The following SV2C variants were observed in gnomAD, a reference collection of about 807,000 sequenced individuals.
The protein encoded by SV2C is synaptic vesicle glycoprotein 2C.
SV2C carries 49 observed loss-of-function variants against 79.7 expected under a neutral mutation model. The observed-to-expected ratio is 0.61, with a 90% CI of 0.49 to 0.78. SV2C has a LOEUF of 0.78. Ranked by LOEUF, SV2C falls within the 30% of genes least tolerant of loss-of-function variation. SV2C has a pLI of 0.00. For synonymous variants in SV2C, 334 were observed against 333.2 expected, an observed-to-expected ratio of 1.00 and a Z score of -0.03; for missense variants, 833 against 912.9, an observed-to-expected ratio of 0.91 and a Z score of 1.13.
chr5:76,198,298 A>G (rs115433595), intron 3 of SV2C, among the ~76,000 whole-genome samples: 1,651 of 152,274 alleles, frequency 0.011, 18 homozygotes, highest in South Asian at 0.062. Flanking sequence ...TGGATCTATC[A>G]TGAATAGATT....
At chr5:75,957,221 C>T in the SV2C span, among the ~76,000 whole-genome samples, 14 of 151,914 alleles carry the variant, frequency 9.2e-5, no homozygotes, top group African/African-American at 2.7e-4. Context: ...AGGAGTAAGA[C>T]CACATTCTGA....
At chr5:76,199,413 T>C (rs1744366698) in intron 3 of SV2C, among the ~76,000 whole-genome samples, 1 of 152,232 alleles carries the variant, frequency 6.6e-6, no homozygotes, top group Non-Finnish European at 1.5e-5. Context: ...GCTTTGAAGC[T>C]TCTTCTCCCA....
At chr5:76,121,964 A>G (rs914389403) in intron 1 of SV2C, among the ~76,000 whole-genome samples, 7 of 152,008 alleles carry the variant, frequency 4.6e-5, no homozygotes, top group Non-Finnish European at 7.4e-5. Context: ...CTTGGGCAGT[A>G]TGGCCATTTT....
chr5:76,176,332 CCTGT>C (rs1743528591), intron 2 of SV2C, among the ~76,000 whole-genome samples: 1 of 152,188 alleles, frequency 6.6e-6, no homozygotes, highest in South Asian at 2.1e-4. Context: ...TTTGTTTCAT[CCTGT>C]CTCAGAGCTT....
At chr5:76,151,045 A>G (rs1472021909) in intron 2 of SV2C, among the ~76,000 whole-genome samples, 1 of 152,230 alleles carries the variant, frequency 6.6e-6, no homozygotes, top group Non-Finnish European at 1.5e-5. Flanking sequence ...ACTTGTCATC[A>G]GAATGACACA....
intron 4 of SV2C, among the ~76,000 whole-genome samples, chr5:76,238,216 A>G (rs1429122460): frequency 6.6e-6 from 1 of 151,840 alleles, no homozygotes; most frequent in African/African-American, 2.4e-5. Context: ...TCTCCTTTCT[A>G]GGAGCTTCTT....
At chr5:75,933,132 C>A in the SV2C span, among the ~76,000 whole-genome samples, 1 of 152,138 alleles carries the variant, frequency 6.6e-6, no homozygotes, top group African/African-American at 2.4e-5. Context: ...CTTCCTTATC[C>A]ATTAGTGCTT....
At chr5:75,902,859 G>A in the SV2C span, among the ~76,000 whole-genome samples, 1 of 152,310 alleles carries the variant, frequency 6.6e-6, no homozygotes, top group African/African-American at 2.4e-5. Context: ...GTTGTATTGG[G>A]AAGCAAGTCT....
At chr5:76,070,164 C>G in the SV2C span, among the ~76,000 whole-genome samples, 1 of 152,166 alleles carries the variant, frequency 6.6e-6, no homozygotes. Flanking sequence ...GGAGAGGAGA[C>G]AGTTCCTGGG....
intron 12 of SV2C, among the ~76,000 whole-genome samples, chr5:76,350,322 G>T (rs901807841): frequency 6.6e-6 from 1 of 150,810 alleles, no homozygotes; most frequent in African/African-American, 2.5e-5. Flanking sequence ...AAGAGAGAAG[G>T]AAGAAGAAGG....
chr5:75,861,115 T>C, the SV2C span, among the ~76,000 whole-genome samples: 1 of 151,986 alleles, frequency 6.6e-6, no homozygotes, highest in Non-Finnish European at 1.5e-5. Flanking sequence ...GTAAGGAACA[T>C]AAACAAATTA....
intron 1 of SV2C, among the ~76,000 whole-genome samples, chr5:76,105,435 A>G (rs1422734053): frequency 1.3e-5 from 2 of 152,232 alleles, no homozygotes; most frequent in East Asian, 3.9e-4. Flanking sequence ...CCTTTTTTAA[A>G]CAAAGGAACC....
chr5:75,901,395 C>A, the SV2C span, among the ~76,000 whole-genome samples: 1 of 152,142 alleles, frequency 6.6e-6, no homozygotes, highest in Non-Finnish European at 1.5e-5. Flanking sequence ...GGCTGCAGAA[C>A]AATGGATTTT....
At chr5:76,219,045 C>T (rs1262160595) in intron 4 of SV2C, among the ~76,000 whole-genome samples, 1 of 152,162 alleles carries the variant, frequency 6.6e-6, no homozygotes, top group Non-Finnish European at 1.5e-5. Context: ...GCCAAAGTGT[C>T]CTGTGCCCAC....
the SV2C span, among the ~76,000 whole-genome samples, chr5:76,014,851 A>G: frequency 6.6e-6 from 1 of 152,172 alleles, no homozygotes; most frequent in Non-Finnish European, 1.5e-5. Context: ...ATTGATGTAG[A>G]AATTTCCTTT....
intron 12 of SV2C, among the ~76,000 whole-genome samples, chr5:76,322,949 G>A (rs1748878300): frequency 6.6e-6 from 1 of 152,208 alleles, no homozygotes; most frequent in Non-Finnish European, 1.5e-5. Context: ...GAAAACCTAG[G>A]CAATACCACT....
At chr5:76,065,332 G>A in the SV2C span, among the ~76,000 whole-genome samples, 3 of 152,150 alleles carry the variant, frequency 2.0e-5, no homozygotes, top group African/African-American at 4.8e-5. Flanking sequence ...TTTAAACATC[G>A]TGCATCAATA....
chr5:75,975,534 C>T, the SV2C span, among the ~76,000 whole-genome samples: 7 of 152,164 alleles, frequency 4.6e-5, no homozygotes, highest in African/African-American at 1.7e-4. Flanking sequence ...CGATAATGTG[C>T]ACTGGGTGTG....
chr5:75,875,592 A>C, the SV2C span, among the ~76,000 whole-genome samples: 2 of 152,356 alleles, frequency 1.3e-5, no homozygotes, highest in African/African-American at 4.8e-5. Context: ...GGATCTAATT[A>C]AACTTAAGAG....
Sources: allele counts gnomAD v4.1 joint callset (sites outside exome capture counted in the v4.1 genomes callset), GRCh38; gene constraint gnomAD v4.1.1; transcripts MANE v1.5; gene names NCBI Gene and HGNC (gene_info 2026-07-23, HGNC 2026-07-21).